Variants in CSMD1 observed in about 807,000 individuals in gnomAD.
The protein encoded by CSMD1 is CUB and sushi domain-containing protein 1.
CSMD1 carries 213 observed loss-of-function variants against 417.5 expected under a neutral mutation model. That is an observed-to-expected ratio of 0.51 (90% confidence interval 0.46 to 0.57). The LOEUF is 0.57. CSMD1 is among the 20% of genes least tolerant of loss of function. The pLI, the probability that CSMD1 is intolerant of heterozygous loss-of-function variation, is 0.00. For synonymous variants in CSMD1, 2,862 were observed against 1,736.8 expected, an observed-to-expected ratio of 1.65 and a Z score of -16.11; for missense variants, 6,923 against 4,529.7, an observed-to-expected ratio of 1.53 and a Z score of -15.17.
chr8:4,624,616 C>T (rs1016021169), intron 2 of CSMD1, among the ~76,000 whole-genome samples: 1 of 152,144 alleles, frequency 6.6e-6, no homozygotes. Context: ...TTGGACACGC[C>T]TCACATTTTT....
chr8:3,295,628 G>A (rs1355830190), intron 25 of CSMD1, among the ~76,000 whole-genome samples: 3 of 152,182 alleles, frequency 2.0e-5, no homozygotes, highest in African/African-American at 7.2e-5. Flanking sequence ...AGGCCAGCAT[G>A]ATAAAGCAGA....
intron 7 of CSMD1, among the ~76,000 whole-genome samples, chr8:3,700,291 A>T (rs542599369): frequency 6.6e-6 from 1 of 152,218 alleles, no homozygotes; most frequent in Non-Finnish European, 1.5e-5. Context: ...AAAAGAAAAT[A>T]TACCTGCCCT....
intron 46 of CSMD1, among the ~76,000 whole-genome samples, chr8:3,102,971 C>A (rs898789432): frequency 1.3e-5 from 2 of 152,150 alleles, no homozygotes; most frequent in African/African-American, 4.8e-5. Context: ...TTATTGGGGT[C>A]TAAAGGAGCT....
At chr8:4,648,651 T>G (rs1473600212) in intron 1 of CSMD1, among the ~76,000 whole-genome samples, 1 of 152,224 alleles carries the variant, frequency 6.6e-6, no homozygotes, top group Non-Finnish European at 1.5e-5. Context: ...GTTGCTCATT[T>G]CACAGACAAC....
At chr8:3,449,232 G>A (rs1166056735) in intron 12 of CSMD1, among the ~76,000 whole-genome samples, 2 of 152,316 alleles carry the variant, frequency 1.3e-5, no homozygotes, top group Middle Eastern at 3.4e-3. Context: ...AAGAATTGTA[G>A]AGGGAAGTTA....
At chr8:3,706,806 C>A (rs903620360) in intron 7 of CSMD1, among the ~76,000 whole-genome samples, 1 of 152,158 alleles carries the variant, frequency 6.6e-6, no homozygotes, top group Non-Finnish European at 1.5e-5. Flanking sequence ...CTCTACAGAA[C>A]ATTCTATACT....
Position 3,839,475 on chromosome 8 carries a change from T to TATATTATATATTATAATATAA in CSMD1, c.819-85434_819-85433insTTATATTATAATATATAATAT, listed in dbSNP as rs1299126226. Among the ~76,000 whole-genome samples the TATATTATATATTATAATATAA allele has an allele frequency of 4.1e-4, 47 of 114,538 alleles. No individual in the cohort carries two copies. In the East Asian group the frequency reaches 9.9e-3, roughly 24 times the overall value. 75.1% of individuals were successfully genotyped at this position (114,538 alleles called of 152,430 possible). On this transcript the variant is annotated intron_variant, in intron 5 of 69. Coordinates refer to ENST00000635120, the MANE Select transcript of CSMD1 (RefSeq NM_033225.6). ...ATATAATATATTATATATTATATAA[T>TATATTATATATTATAATATAA]TATATTATATATTTATATATTAATA...
chr8:4,214,895 TA>T (rs1376117318), intron 3 of CSMD1, among the ~76,000 whole-genome samples: 1 of 152,228 alleles, frequency 6.6e-6, no homozygotes. Flanking sequence ...TATTCTTTTT[TA>T]AGTTTTACAA....
At chr8:3,344,551 C>A (rs1252120710) in intron 22 of CSMD1, among the ~76,000 whole-genome samples, 1 of 152,130 alleles carries the variant, frequency 6.6e-6, no homozygotes, top group Non-Finnish European at 1.5e-5. Flanking sequence ...CACCTGCCTC[C>A]CTCACTAGCA....
At chr8:4,321,119 C>T (rs558617501) in intron 3 of CSMD1, among the ~76,000 whole-genome samples, 19 of 152,240 alleles carry the variant, frequency 1.2e-4, no homozygotes, top group African/African-American at 4.6e-4. Context: ...TAGTCTAAAT[C>T]AATCAAAGGC....
intron 3 of CSMD1, among the ~76,000 whole-genome samples, chr8:4,304,409 G>T (rs1798138098): frequency 6.6e-6 from 1 of 152,052 alleles, no homozygotes. Flanking sequence ...TACCATCTAA[G>T]AGCGACAGAA....
chr8:4,660,006 C>G (rs897293405), intron 1 of CSMD1, among the ~76,000 whole-genome samples: 1 of 150,104 alleles, frequency 6.7e-6, no homozygotes, highest in Admixed American at 6.7e-5. Flanking sequence ...CAACTTGTAA[C>G]TATAATTATA....
chr8:3,712,276 T>G (rs560931109), intron 6 of CSMD1, among the ~76,000 whole-genome samples: 1 of 152,118 alleles, frequency 6.6e-6, no homozygotes, highest in Non-Finnish European at 1.5e-5. Flanking sequence ...ACACGTTTTT[T>G]GGGTTCTCCT....
chr8:3,778,539 T>C (rs1321135285), intron 5 of CSMD1, among the ~76,000 whole-genome samples: 2 of 152,216 alleles, frequency 1.3e-5, no homozygotes, highest in East Asian at 1.9e-4. Context: ...CGTGTGCCTG[T>C]GCACGCTCTT....
intron 3 of CSMD1, among the ~76,000 whole-genome samples, chr8:4,276,186 G>C (rs1796475425): frequency 6.6e-6 from 1 of 152,152 alleles, no homozygotes; most frequent in Non-Finnish European, 1.5e-5. Context: ...GCTTATTGCA[G>C]CACTGTTCAC....
At chr8:3,201,821 G>T in intron 31 of CSMD1, 96 bp from the exon 32 acceptor site, 1 of 542,420 alleles carries the variant, frequency 1.8e-6, no homozygotes, top group African/African-American at 2.1e-5. Context: ...TGCCCCAATG[G>T]ATCATTATCC....
chr8:4,643,706 G>A (rs1803344699), intron 1 of CSMD1, among the ~76,000 whole-genome samples: 1 of 152,166 alleles, frequency 6.6e-6, no homozygotes, highest in Non-Finnish European at 1.5e-5. Flanking sequence ...GTTTGAAACG[G>A]TAAACAAATC....
chr8:3,771,487 A>T (rs1584972369), intron 5 of CSMD1, among the ~76,000 whole-genome samples: 1 of 152,288 alleles, frequency 6.6e-6, no homozygotes, highest in Non-Finnish European at 1.5e-5. Flanking sequence ...GCCAATTCTC[A>T]AGCTCTCGAA....
At chr8:4,770,862 A>G (rs183768153) in intron 1 of CSMD1, among the ~76,000 whole-genome samples, 5 of 152,278 alleles carry the variant, frequency 3.3e-5, no homozygotes, top group East Asian at 1.9e-4. Context: ...ATCCCAGAAT[A>G]CACAGGGGAA....
Sources: allele counts gnomAD v4.1 joint callset (sites outside exome capture counted in the v4.1 genomes callset), GRCh38; gene constraint gnomAD v4.1.1; transcripts MANE v1.5; gene names NCBI Gene and HGNC (gene_info 2026-07-23, HGNC 2026-07-21).